Variants in SLC22A3 observed in about 807,000 individuals in gnomAD.
SLC22A3 encodes EMT organic cation transporter 3.
A neutral mutation model predicts 59.1 loss-of-function variants in SLC22A3; 51 were observed. That is an observed-to-expected ratio of 0.86 (90% CI 0.69 to 1.09). The LOEUF (loss-of-function observed/expected upper bound fraction) is 1.09. Among genes scored for constraint, SLC22A3 ranks in the 50% least tolerant of loss-of-function variants. SLC22A3 has a pLI of 0.00. For synonymous variants in SLC22A3, 325 were observed against 292.0 expected (o/e 1.11, Z -1.15); for missense variants, 711 against 726.3 (o/e 0.98, Z 0.24).
chr6:160,444,452 T>C (rs1326143324), intron 9 of SLC22A3, among the ~76,000 whole-genome samples: 2 of 152,224 alleles, frequency 1.3e-5, no homozygotes, highest in Non-Finnish European at 1.5e-5. Flanking sequence ...ATTGGCCCGA[T>C]GCTAAAAATC....
At chr6:160,376,355 G>T (rs572916642) in intron 1 of SLC22A3, among the ~76,000 whole-genome samples, 1 of 152,070 alleles carries the variant, frequency 6.6e-6, no homozygotes, top group African/African-American at 2.4e-5. Flanking sequence ...GTGGGGGCAG[G>T]GGGGTGGTGC....
At chr6:160,409,728 T>C (rs1368562809) in intron 4 of SLC22A3, among the ~76,000 whole-genome samples, 1 of 152,230 alleles carries the variant, frequency 6.6e-6, no homozygotes, top group Admixed American at 6.5e-5. Flanking sequence ...TTGATGATTT[T>C]ATTAATAATT....
chr6:160,442,313 G>T (rs1788573447), intron 7 of SLC22A3, among the ~76,000 whole-genome samples: 1 of 152,188 alleles, frequency 6.6e-6, no homozygotes. Flanking sequence ...CCCCAGGTGT[G>T]CTGGGAACGG....
intron 5 of SLC22A3, among the ~76,000 whole-genome samples, chr6:160,420,430 C>T (rs1486764644): frequency 6.6e-6 from 1 of 152,168 alleles, no homozygotes; most frequent in African/African-American, 2.4e-5. Flanking sequence ...ACTATCTCTG[C>T]TGTACAAGTT....
intron 3 of SLC22A3, among the ~76,000 whole-genome samples, chr6:160,407,709 A>G (rs1211651567): frequency 6.6e-6 from 1 of 152,146 alleles, no homozygotes; most frequent in East Asian, 1.9e-4. Flanking sequence ...CTATAGCCAG[A>G]AAGTTTGACC....
At chr6:160,357,881 T>G (rs1240210386) in intron 1 of SLC22A3, among the ~76,000 whole-genome samples, 1 of 152,244 alleles carries the variant, frequency 6.6e-6, no homozygotes, top group Non-Finnish European at 1.5e-5. Flanking sequence ...TCTTCCTGTG[T>G]GGCAGTTAGT....
chr6:160,422,812 A>G (rs1044052772), intron 5 of SLC22A3, among the ~76,000 whole-genome samples: 5 of 152,094 alleles, frequency 3.3e-5, no homozygotes, highest in African/African-American at 9.7e-5. Context: ...TTTGTGTAAC[A>G]GCAAAACTAT....
At chr6:160,412,356 T>A (rs548014384) in intron 5 of SLC22A3, among the ~76,000 whole-genome samples, 1 of 152,168 alleles carries the variant, frequency 6.6e-6, no homozygotes, top group African/African-American at 2.4e-5. Flanking sequence ...AGAGTGAAAC[T>A]CTGTCTAAAA....
At chr6:160,353,469 A>G (rs1012591099) in intron 1 of SLC22A3, among the ~76,000 whole-genome samples, 4 of 152,216 alleles carry the variant, frequency 2.6e-5, no homozygotes, top group African/African-American at 9.6e-5. Flanking sequence ...ATGTGATGAC[A>G]GTGGCTGTGG....
At chr6:160,403,015 A>G (rs1411854588) in intron 2 of SLC22A3, among the ~76,000 whole-genome samples, 2 of 151,648 alleles carry the variant, frequency 1.3e-5, no homozygotes, top group Non-Finnish European at 3.0e-5. Flanking sequence ...CAAGGCAAGT[A>G]GAAGAAAAAA....
At chr6:160,433,892 G>A (rs560148640) in intron 5 of SLC22A3, among the ~76,000 whole-genome samples, 86 of 152,126 alleles carry the variant, frequency 5.7e-4, no homozygotes, top group Non-Finnish European at 1.1e-3. Flanking sequence ...GCAGAAGTCT[G>A]AAGAGGAAAT....
At chr6:160,377,170 A>G (rs118098592) in intron 1 of SLC22A3, among the ~76,000 whole-genome samples, 3 of 152,298 alleles carry the variant, frequency 2.0e-5, no homozygotes, top group Non-Finnish European at 4.4e-5. Flanking sequence ...TTGTCAAATA[A>G]TTATAAACTC....
intron 1 of SLC22A3, among the ~76,000 whole-genome samples, chr6:160,397,762 A>T (rs1381836394): frequency 6.6e-6 from 1 of 152,166 alleles, no homozygotes; most frequent in African/African-American, 2.4e-5. Context: ...ACGATGTTAT[A>T]ACAACATAGT....
chr6:160,432,312 T>A (rs1198188627), intron 5 of SLC22A3, among the ~76,000 whole-genome samples: 3 of 151,266 alleles, frequency 2.0e-5, no homozygotes, highest in Middle Eastern at 3.2e-3. Flanking sequence ...TGCGGGAGAG[T>A]GTAGTGGGAA....
intron 1 of SLC22A3, among the ~76,000 whole-genome samples, chr6:160,382,884 C>T (rs558521511): frequency 6.6e-6 from 1 of 152,092 alleles, no homozygotes; most frequent in South Asian, 2.1e-4. Context: ...CAGAGCTGAA[C>T]AAGTACAATA....
At chr6:160,425,683 T>A (rs758015504) in intron 5 of SLC22A3, among the ~76,000 whole-genome samples, 3 of 152,052 alleles carry the variant, frequency 2.0e-5, no homozygotes, top group Non-Finnish European at 2.9e-5. Context: ...ATCACTACAG[T>A]GTGTTTTAAT....
intron 10 of SLC22A3, 77 bp downstream of exon 10, chr6:160,447,895 T>A (rs541916318): frequency 9.1e-7 from 1 of 1,099,148 alleles, no homozygotes; most frequent in Non-Finnish European, 1.4e-6. Context: ...ATTGAGAAAA[T>A]TGAATATCCA....
rs112039252 is a variant in SLC22A3, at chr6:160,387,160, C to T, written c.430-10819C>T. Reference sequence around the variant, plus strand: ...CCCGAGCACCCACATAGCAAGTTGCCGAGGCCAGGGGCATGCAGAGCCAGG... The same window carrying T: ...CCCGAGCACCCACATAGCAAGTTGCTGAGGCCAGGGGCATGCAGAGCCAGG... On this transcript the variant is annotated intron_variant, in intron 1 of 10. Transcript: ENST00000275300. 6.3e-3 allele frequency among the ~76,000 whole-genome samples: 960 copies of T among 152,252 alleles called. 12 individuals carry two copies. The highest frequency in any genetic ancestry group is 0.041 in the Middle Eastern group (12 of 294).
chr6:160,358,142 G>T (rs998914937), intron 1 of SLC22A3, among the ~76,000 whole-genome samples: 1 of 152,192 alleles, frequency 6.6e-6, no homozygotes, highest in Admixed American at 6.5e-5. Context: ...ATCCAAACTG[G>T]TTTAGTGTAG....
Sources: allele counts gnomAD v4.1 joint callset (sites outside exome capture counted in the v4.1 genomes callset), GRCh38; gene constraint gnomAD v4.1.1; transcripts MANE v1.5; gene names NCBI Gene and HGNC (gene_info 2026-07-23, HGNC 2026-07-21).